TDRD12: variants seen among roughly 807,000 people sequenced by gnomAD.
TDRD12 encodes putative ATP-dependent RNA helicase TDRD12.
In TDRD12, 158 loss-of-function variants were observed where a neutral mutation model predicts 133.5. The ratio of observed to expected loss-of-function variants is 1.18; its 90% CI spans 1.04 to 1.35. The LOEUF (loss-of-function observed/expected upper bound fraction) is 1.35. TDRD12 is among the 40% of genes most tolerant of loss of function. TDRD12 has a pLI of 0.00. For missense variants in TDRD12, 1,443 were observed against 1,321.3 expected, an observed-to-expected ratio of 1.09 and a Z score of -1.43; for synonymous variants, 460 against 477.9, an observed-to-expected ratio of 0.96 and a Z score of 0.49.
exon 17 of TDRD12, chr19:32,800,299 G>T: frequency 6.5e-7 from 1 of 1,532,472 alleles, no homozygotes; most frequent in South Asian, 1.2e-5. Flanking sequence ...GTTCATGAAT[G>T]ATCCCTACAT....
intron 21 of TDRD12, among the ~76,000 whole-genome samples, chr19:32,804,601 G>A (rs530391584): frequency 2.0e-5 from 3 of 151,604 alleles, no homozygotes; most frequent in Admixed American, 2.0e-4. Flanking sequence ...GCTGAGGCAG[G>A]AGAATCACTT....
intron 13 of TDRD12, among the ~76,000 whole-genome samples, chr19:32,791,588 T>C (rs999702870): frequency 6.6e-6 from 1 of 152,026 alleles, no homozygotes; most frequent in Non-Finnish European, 1.5e-5. Context: ...TCTTAGAAGA[T>C]GAAAGCAGGA....
intron 9 of TDRD12, 143 bp downstream of exon 32, chr19:32,826,892 C>A: frequency 3.7e-6 from 2 of 533,374 alleles, no homozygotes; most frequent in Non-Finnish European, 5.7e-6. Flanking sequence ...CTTTGTTTAT[C>A]TTGGTGCTAA....
intron 8 of TDRD12, among the ~76,000 whole-genome samples, chr19:32,763,095 C>T (rs533559805): frequency 6.6e-6 from 1 of 152,272 alleles, no homozygotes; most frequent in Admixed American, 6.5e-5. Context: ...ATGAGACCAC[C>T]ATCGTATATG....
Position 32,810,130 on chromosome 19 carries a change from T to C in TDRD12, c.2690T>C (p.Phe897Ser), listed in dbSNP as rs1350637914. The change falls in exon 23 of 28, where the codon TTT becomes TCT. Residue 897 changes from phenylalanine to serine, a missense_variant. Phe to Ser is a radical substitution (Grantham distance 155, BLOSUM62 -2). Transcript: ENST00000444215. ...TATATTTTGAATGCAACAAATTACT[T>C]TGGCCGTATAGTTGATAAACACATG... 24 of 1,528,052 alleles carry C rather than the reference T, an allele frequency of 1.6e-5. No homozygotes were observed. In the East Asian group the frequency reaches 5.1e-4, roughly 33 times the overall value. 94.7% of individuals were successfully genotyped at this position (1,528,052 alleles called of 1,614,324 possible). A position where few individuals can be genotyped will look rare whatever the true frequency, so the allele number is the denominator to read the frequency against.
chr19:32,821,403 TGTGTGTGC>T (rs1391493653), downstream of TDRD12: 2,475 of 172,088 alleles, frequency 0.014, 17 homozygotes, highest in East Asian at 0.12. Flanking sequence ...TGTGTGTGTG[TGTGTGTGC>T]GTGTGAACCA....
In TDRD12 at chr19:32,800,323, A is replaced by G. The variant is rs1025976972; in HGVS notation, c.1915A>G (p.Met639Val). Reference sequence around the variant, plus strand: ...TGATCCCTACATTGTGATCACAGCCATGGAAGAGGCTGCTCTCTATGGCAA... The same window carrying G: ...TGATCCCTACATTGTGATCACAGCCGTGGAAGAGGCTGCTCTCTATGGCAA... Residue 639 changes from methionine (M) to valine (V), a missense_variant, in exon 17 of 28, where the codon ATG becomes GTG. Physicochemically the swap from Met to Val is conservative, Grantham distance 21. Transcript: ENST00000444215. 9.2e-6 allele frequency: 14 copies of G among 1,526,438 alleles called. No individual in the cohort carries two copies. The African/African-American group carries it at 1.7e-4, about 18-fold the overall frequency. 94.6% of individuals were successfully genotyped at this position (1,526,438 alleles called of 1,614,324 possible).
chr19:32,756,675 C>T (rs1037164320), intron 7 of TDRD12, among the ~76,000 whole-genome samples: 36 of 152,156 alleles, frequency 2.4e-4, no homozygotes, highest in African/African-American at 6.5e-4. Flanking sequence ...GGCGTGACAC[C>T]GCGCCCGGCC....
chr19:32,752,701 C>A (rs528063525), intron 6 of TDRD12, among the ~76,000 whole-genome samples: 2 of 151,462 alleles, frequency 1.3e-5, no homozygotes, highest in Non-Finnish European at 2.9e-5. Context: ...TGTGCCCCAT[C>A]ATTACTTGAA....
exon 20 of TDRD12, chr19:32,802,714 C>T (rs1971435395): frequency 3.9e-6 from 6 of 1,536,284 alleles, no homozygotes; most frequent in Non-Finnish European, 5.2e-6. Context: ...GTGTGATTCA[C>T]TTCAGTTTCC....
chr19:32,816,696 TGGCTGCGCC>T (rs1967192418), intron 26 of TDRD12, among the ~76,000 whole-genome samples: 1 of 152,210 alleles, frequency 6.6e-6, no homozygotes, highest in Admixed American at 6.5e-5. Context: ...TGTTCCAAAG[TGGCTGCGCC>T]AGCGTCTCCT....
chr19:32,731,642 C>G, intron 1 of TDRD12, 83 bp from the exon 2 acceptor site: 1 of 1,240,076 alleles, frequency 8.1e-7, no homozygotes, highest in South Asian at 1.8e-5. Flanking sequence ...AAATTAGAAA[C>G]AGTAATCGTG....
intron 6 of TDRD12, among the ~76,000 whole-genome samples, chr19:32,753,309 T>A (rs934708951): frequency 3.3e-5 from 5 of 152,192 alleles, no homozygotes; most frequent in Admixed American, 1.3e-4. Context: ...TTAAGAGCTT[T>A]GATATCTCTG....
chr19:32,810,513 C>T (rs1966967528), intron 23 of TDRD12, among the ~76,000 whole-genome samples: 1 of 152,230 alleles, frequency 6.6e-6, no homozygotes, highest in African/African-American at 2.4e-5. Flanking sequence ...ACACATACAT[C>T]TTTAACTCAC....
chr19:32,797,132 T>C (rs1971253646), intron 14 of TDRD12, among the ~76,000 whole-genome samples: 2 of 151,764 alleles, frequency 1.3e-5, no homozygotes, highest in African/African-American at 4.8e-5. Flanking sequence ...AGGCACACAC[T>C]ACCACGCCTG....
intron 1 of TDRD12, among the ~76,000 whole-genome samples, chr19:32,720,750 A>C (rs1599812851): frequency 1.8e-4 from 8 of 43,636 alleles, no homozygotes; most frequent in South Asian, 1.0e-3. Flanking sequence ...CCCCATCTCC[A>C]CTCCCACCTG....
chr19:32,762,493 C>G (rs757657227), intron 8 of TDRD12, among the ~76,000 whole-genome samples: 2 of 152,074 alleles, frequency 1.3e-5, no homozygotes, highest in Admixed American at 1.3e-4. Flanking sequence ...AGCTCATTGA[C>G]GCTAGAGAAG....
chr19:32,720,999 C>T (rs973296655), intron 1 of TDRD12, among the ~76,000 whole-genome samples: 25 of 151,990 alleles, frequency 1.6e-4, no homozygotes, highest in African/African-American at 5.8e-4. Context: ...CCCAGGGCCC[C>T]GCTCTCCGTA....
chr19:32,771,899 G>C (rs765554704), intron 8 of TDRD12, among the ~76,000 whole-genome samples: 22 of 152,174 alleles, frequency 1.4e-4, no homozygotes, highest in African/African-American at 4.8e-4. Flanking sequence ...GGTGAAAGGC[G>C]TATCTTGTCA....
Sources: gnomAD v4.1 joint callset for allele counts (sites outside exome capture counted in the v4.1 genomes callset) on GRCh38, gnomAD v4.1.1 for gene constraint, MANE v1.5 for transcripts, NCBI Gene and HGNC (gene_info 2026-07-23, HGNC 2026-07-21) for gene names.